Variants in NTRK3 observed in about 807,000 individuals in gnomAD.
NTRK3 encodes neurotrophic receptor tyrosine kinase 3, also known as NT-3 growth factor receptor.
In NTRK3, 24 loss-of-function variants were observed where a neutral mutation model predicts 91.7. The observed-to-expected ratio is 0.26, with a 90% CI of 0.19 to 0.37. The LOEUF is 0.37. Among genes scored for constraint, NTRK3 ranks in the 10% least tolerant of loss-of-function variants. NTRK3 has a pLI of 1.00. For synonymous variants in NTRK3, 483 were observed against 404.0 expected (o/e 1.20, Z -2.34); for missense variants, 880 against 1,068.9 (o/e 0.82, Z 2.46).
chr15:88,078,931 G>A (rs570922353), intron 13 of NTRK3, among the ~76,000 whole-genome samples: 16 of 152,328 alleles, frequency 1.1e-4, no homozygotes, highest in Non-Finnish European at 1.6e-4. Flanking sequence ...TTGGCTTTCC[G>A]CTGCATGCGA....
chr15:88,135,903 G>C, exon 9 of NTRK3: 2 of 1,614,124 alleles, frequency 1.2e-6, no homozygotes, highest in Non-Finnish European at 8.5e-7. Flanking sequence ...ACTTACAGTA[G>C]ACAGTGAGGG....
chr15:87,900,820 GCCTTC>G (rs1456301236), intron 17 of NTRK3, among the ~76,000 whole-genome samples: 1 of 151,782 alleles, frequency 6.6e-6, no homozygotes, highest in African/African-American at 2.4e-5. Flanking sequence ...CTCACCCCTG[GCCTTC>G]TGTGTTCTCA....
chr15:88,207,431 A>G lies in NTRK3; in HGVS notation c.249-23132T>C, dbSNP rs528416757. Among the ~76,000 whole-genome samples the G allele has an allele frequency of 2.6e-5, 4 of 152,270 alleles. No homozygotes were observed. The East Asian group carries it at 7.7e-4, about 29-fold the overall frequency. Reference sequence around the variant, plus strand: ...TACATCGTTTCTCAAACACAATCCCAATTCCTCCAAAAGCTTCTGTTAAAT... The same window carrying G: ...TACATCGTTTCTCAAACACAATCCCGATTCCTCCAAAAGCTTCTGTTAAAT... On this transcript the variant is annotated intron_variant, in intron 3 of 18. Coordinates refer to ENST00000394480, the Ensembl canonical transcript of NTRK3.
intron 14 of NTRK3, among the ~76,000 whole-genome samples, chr15:88,025,730 G>A (rs2077979302): frequency 6.6e-6 from 1 of 152,186 alleles, no homozygotes; most frequent in African/African-American, 2.4e-5. Context: ...AAAAATTTCT[G>A]TTGTTTGGGG....
intron 5 of NTRK3, among the ~76,000 whole-genome samples, chr15:88,158,810 G>C (rs2044163965): frequency 3.9e-5 from 6 of 152,058 alleles, no homozygotes; most frequent in Admixed American, 2.0e-4. Flanking sequence ...CGTGGGAGCT[G>C]ACTACCCCAG....
chr15:88,143,469 A>C (rs1016655295), intron 6 of NTRK3, among the ~76,000 whole-genome samples: 7 of 152,188 alleles, frequency 4.6e-5, no homozygotes, highest in Admixed American at 1.3e-4. Context: ...ATAATGTTCT[A>C]TTGTTTTAAG....
chr15:87,868,997 A>G (rs79904866), exon 19 of NTRK3: 3,956 of 228,540 alleles, frequency 0.017, 137 homozygotes, highest in East Asian at 0.12. Context: ...GCAGGGCTCA[A>G]TGACTTAGGA....
chr15:88,187,587 G>A (rs535194247), intron 3 of NTRK3, among the ~76,000 whole-genome samples: 1 of 152,270 alleles, frequency 6.6e-6, no homozygotes, highest in East Asian at 1.9e-4. Flanking sequence ...ACGATTACAC[G>A]TGGCTTCTCC....
chr15:88,229,635 C>T lies in NTRK3; in HGVS notation c.248+26271G>A, dbSNP rs571405590. 3.9e-5 allele frequency among the ~76,000 whole-genome samples: 6 copies of T among 152,318 alleles called. No homozygotes were observed. The South Asian group carries it at 1.2e-3, about 32-fold the overall frequency. On this transcript the variant is annotated intron_variant, in intron 3 of 18. Coordinates refer to ENST00000394480, the Ensembl canonical transcript of NTRK3. ...CAGAGTTAGATCTGGATGCAACAGG[C>T]AATGTCCCCAGGGGTACCAGCATCC...
intron 3 of NTRK3, among the ~76,000 whole-genome samples, chr15:88,203,620 T>G (rs2048483239): frequency 6.6e-6 from 1 of 152,246 alleles, no homozygotes; most frequent in Non-Finnish European, 1.5e-5. Context: ...AGACCTAATG[T>G]TCAATAGATC....
At chr15:88,069,004 C>T (rs1446452288) in intron 13 of NTRK3, among the ~76,000 whole-genome samples, 1 of 152,090 alleles carries the variant, frequency 6.6e-6, no homozygotes, top group Non-Finnish European at 1.5e-5. Flanking sequence ...ACAAAGCAAG[C>T]CAAGAACTGG....
chr15:88,071,762 T>C (rs2047107605), intron 13 of NTRK3, among the ~76,000 whole-genome samples: 1 of 152,194 alleles, frequency 6.6e-6, no homozygotes. Context: ...ATGGATTGAC[T>C]ACCTATGCTA....
chr15:87,871,207 A>G (rs116931115), exon 19 of NTRK3: 7,709 of 231,380 alleles, frequency 0.033, 175 homozygotes, highest in Middle Eastern at 0.05. Context: ...ACTTGAACCA[A>G]AGACAGTTCT....
At chr15:88,197,927 A>T (rs966664451) in intron 3 of NTRK3, among the ~76,000 whole-genome samples, 2 of 152,130 alleles carry the variant, frequency 1.3e-5, no homozygotes, top group Non-Finnish European at 2.9e-5. Flanking sequence ...TTCACTTTCC[A>T]GTCTGTCACT....
intron 17 of NTRK3, among the ~76,000 whole-genome samples, chr15:87,921,881 TAA>T (rs201850075): frequency 2.1e-5 from 3 of 143,198 alleles, no homozygotes; most frequent in African/African-American, 5.1e-5. Context: ...GACTTGGTAT[TAA>T]AAAAAAAAAA....
intron 17 of NTRK3, among the ~76,000 whole-genome samples, chr15:87,904,622 C>T (rs562506758): frequency 7.2e-5 from 11 of 152,310 alleles, no homozygotes; most frequent in African/African-American, 2.6e-4. Flanking sequence ...CCCTTGCAGA[C>T]TTGTGTCTAA....
chr15:88,171,167 G>T (rs1156737376), intron 5 of NTRK3, among the ~76,000 whole-genome samples: 1 of 152,180 alleles, frequency 6.6e-6, no homozygotes, highest in Non-Finnish European at 1.5e-5. Flanking sequence ...GGCTGCAATG[G>T]AGGCTTAAGA....
At chr15:88,221,823 A>G (rs552477643) in intron 3 of NTRK3, among the ~76,000 whole-genome samples, 2 of 152,318 alleles carry the variant, frequency 1.3e-5, no homozygotes, top group South Asian at 4.1e-4. Context: ...CAACAAACAT[A>G]AACTAATGAC....
chr15:88,187,842 G>A (rs1597842620), intron 3 of NTRK3, among the ~76,000 whole-genome samples: 3 of 151,782 alleles, frequency 2.0e-5, no homozygotes, highest in Admixed American at 2.0e-4. Flanking sequence ...GCTGAGGCAG[G>A]AGAATCGCTT....
Sources: allele counts gnomAD v4.1 joint callset (sites outside exome capture counted in the v4.1 genomes callset), GRCh38; gene constraint gnomAD v4.1.1; transcripts MANE v1.5; gene names NCBI Gene and HGNC (gene_info 2026-07-23, HGNC 2026-07-21).